RNF170: variants seen among roughly 807,000 people sequenced by gnomAD.
RNF170 encodes the protein E3 ubiquitin-protein ligase RNF170.
Under a neutral mutation model 32.7 loss-of-function variants are expected in RNF170, and 12 were observed. The observed-to-expected ratio is 0.37, with a 90% CI of 0.24 to 0.60. The LOEUF (loss-of-function observed/expected upper bound fraction) is 0.60. RNF170 is among the 20% of genes least tolerant of loss of function. RNF170 has a pLI of 0.72. For synonymous variants in RNF170, 91 were observed against 103.6 expected, an observed-to-expected ratio of 0.88 and a Z score of 0.74; for missense variants, 212 against 311.2, an observed-to-expected ratio of 0.68 and a Z score of 2.40.
chr8:42,890,401 C>T (rs972604370), intron 1 of RNF170, among the ~76,000 whole-genome samples: 29 of 151,800 alleles, frequency 1.9e-4, no homozygotes, highest in Admixed American at 1.1e-3. Context: ...CCTCAGTCTC[C>T]CGAGTAGCTG....
intron 4 of RNF170, among the ~76,000 whole-genome samples, chr8:42,869,649 G>C (rs1181769973): frequency 6.6e-6 from 1 of 152,136 alleles, no homozygotes; most frequent in Non-Finnish European, 1.5e-5. Flanking sequence ...AATAATAAAT[G>C]AAAGTCCCAA....
In RNF170 at chr8:42,863,474, G is replaced by A. The variant is rs192154988; in HGVS notation, c.397-1619C>T. Among the ~76,000 whole-genome samples the A allele has an allele frequency of 3.7e-4, 57 of 152,066 alleles. No individual in the cohort carries two copies. The East Asian group carries it at 9.7e-3, about 26-fold the overall frequency. ...AAAAATTTTTTTTTGAGACAGTCTC[G>A]CTCTGTCTCCAGGCTGGAATGCAGT... On this transcript the variant is annotated intron_variant, in intron 5 of 6. Transcript: ENST00000527424.
chr8:42,894,706 A>G (rs1806611950), intron 1 of RNF170, among the ~76,000 whole-genome samples: 1 of 152,146 alleles, frequency 6.6e-6, no homozygotes, highest in Non-Finnish European at 1.5e-5. Flanking sequence ...CTGGGACTAC[A>G]GGAGCCCGCC....
Position 42,855,848 on chromosome 8 carries a change from T to G in RNF170, c.*311A>C, listed in dbSNP as rs961444545. On this transcript the variant is annotated 3_prime_UTR_variant, in exon 7 of 7. Coordinates refer to ENST00000527424, the MANE Select transcript of RNF170 (RefSeq NM_030954.4). ...TTACTATACATCTAATTAATCTAAG[T>G]AATTCTGGGGAAAAGAAAAATATAT... 8.3e-7 allele frequency: 1 copy of G among 1,205,182 alleles called. No individual in the cohort carries two copies. Among genetic ancestry groups the G allele is most frequent in the Non-Finnish European group, 1.1e-6 (1 of 929,292 alleles). 74.7% of individuals were successfully genotyped at this position (1,205,182 alleles called of 1,614,324 possible). A position where few individuals can be genotyped will look rare whatever the true frequency, so the allele number is the denominator to read the frequency against.
chr8:42,896,426 C>G (rs1212812269), intron 1 of RNF170, 58 bp downstream of exon 1: 2 of 451,958 alleles, frequency 4.4e-6, no homozygotes, highest in Non-Finnish European at 8.9e-6. Flanking sequence ...CAGACCCCGC[C>G]GTCCGCGGCT....
At chr8:42,876,656 G>GT (rs1804957135) in intron 2 of RNF170, among the ~76,000 whole-genome samples, 3 of 143,830 alleles carry the variant, frequency 2.1e-5, no homozygotes, top group East Asian at 2.0e-4. Context: ...TTTTTTTGTG[G>GT]GTTTTTTTTT....
chr8:42,849,872 T>C (rs1288213814), downstream of RNF170: 1 of 152,220 alleles, frequency 6.6e-6, no homozygotes, highest in Non-Finnish European at 1.5e-5. Flanking sequence ...GTGAAGGAGA[T>C]TTCTGCCCTC....
intron 6 of RNF170, among the ~76,000 whole-genome samples, chr8:42,857,370 A>G (rs1229926556): frequency 6.6e-6 from 1 of 152,246 alleles, no homozygotes; most frequent in African/African-American, 2.4e-5. Context: ...AAGAACTAAT[A>G]TCTAAAGCAA....
intron 1 of RNF170, among the ~76,000 whole-genome samples, chr8:42,891,265 T>C (rs901271406): frequency 6.6e-6 from 1 of 152,210 alleles, no homozygotes; most frequent in Non-Finnish European, 1.5e-5. Flanking sequence ...GATATGACTA[T>C]GATCTGGGTC....
At chr8:42,876,540 C>T (rs1001488443) in intron 2 of RNF170, among the ~76,000 whole-genome samples, 2 of 152,206 alleles carry the variant, frequency 1.3e-5, no homozygotes, top group South Asian at 4.1e-4. Flanking sequence ...AGCCAATTCT[C>T]GCTAGACACC....
intron 2 of RNF170, among the ~76,000 whole-genome samples, chr8:42,878,242 C>T (rs1303174751): frequency 6.6e-6 from 1 of 152,160 alleles, no homozygotes; most frequent in Non-Finnish European, 1.5e-5. Flanking sequence ...ACTTGCATGT[C>T]TCTCACTTCA....
chr8:42,876,761 G>C (rs1804970067), intron 2 of RNF170, among the ~76,000 whole-genome samples: 1 of 148,398 alleles, frequency 6.7e-6, no homozygotes, highest in African/African-American at 2.5e-5. Flanking sequence ...CTGGGTTCTA[G>C]TGATTCTCCT....
intron 4 of RNF170, among the ~76,000 whole-genome samples, chr8:42,866,038 A>G (rs1280109422): frequency 2.6e-5 from 4 of 152,200 alleles, no homozygotes; most frequent in African/African-American, 7.2e-5. Flanking sequence ...GCAAGTATAT[A>G]TTAACTGCCT....
intron 1 of RNF170, among the ~76,000 whole-genome samples, chr8:42,890,004 A>C (rs1245877055): frequency 6.6e-6 from 1 of 152,180 alleles, no homozygotes; most frequent in Non-Finnish European, 1.5e-5. Context: ...AGAGCTGTGA[A>C]GGTTAAAACA....
intron 2 of RNF170, 137 bp from the exon 3 acceptor site, chr8:42,874,143 C>A: frequency 1.5e-6 from 1 of 663,106 alleles, no homozygotes. Flanking sequence ...ACTTCCAGGA[C>A]TGTACGTTTC....
chr8:42,876,957 T>C lies in RNF170; in HGVS notation c.138-2951A>G, dbSNP rs1182684110. Among the ~76,000 whole-genome samples the C allele has an allele frequency of 3.5e-5, 5 of 144,708 alleles. No homozygotes were observed. In the South Asian group the frequency reaches 8.5e-4, roughly 25 times the overall value. 94.9% of individuals were successfully genotyped at this position (144,708 alleles called of 152,430 possible). On this transcript the variant is annotated intron_variant, in intron 2 of 6. Coordinates refer to ENST00000527424, the MANE Select transcript of RNF170 (RefSeq NM_030954.4). ...GGCGTGAGCCACTGTGCCCGGACTT[T>C]TTTTTTTTTTTTTTGAGACAGAGTC...
At chr8:42,874,220 A>T (rs1313877852) in intron 2 of RNF170, among the ~76,000 whole-genome samples, 1 of 152,168 alleles carries the variant, frequency 6.6e-6, no homozygotes, top group Non-Finnish European at 1.5e-5. Flanking sequence ...CAAGCGGCAA[A>T]TGGTAAAATC....
Position 42,854,495 on chromosome 8 carries a change from G to A in RNF170, c.*1664C>T. Reference sequence around the variant, plus strand: ...AAAATGAAAAGTATGTGAGAAACCTGCTTTAATTATAATGTGCTATGTTTA... The same window carrying A: ...AAAATGAAAAGTATGTGAGAAACCTACTTTAATTATAATGTGCTATGTTTA... On this transcript the variant is annotated 3_prime_UTR_variant, in exon 7 of 7. Coordinates refer to ENST00000527424, the MANE Select transcript of RNF170 (RefSeq NM_030954.4). 1 of 1,286,092 alleles carries A rather than the reference G, an allele frequency of 7.8e-7. No individual in the cohort carries two copies. Among genetic ancestry groups the A allele is most frequent in the Non-Finnish European group, 1.0e-6 (1 of 987,678 alleles). The allele number at this position is 1,286,092 out of a possible 1,614,324, so 79.7% of individuals were successfully genotyped here.
At chr8:42,850,885 T>C (rs1355473515), downstream of RNF170, 6 of 1,551,574 alleles carry the variant, frequency 3.9e-6, no homozygotes, top group Non-Finnish European at 5.2e-6. Flanking sequence ...GGGTATATGC[T>C]GAGGCCCTGA....
Sources: allele counts gnomAD v4.1 joint callset (sites outside exome capture counted in the v4.1 genomes callset), GRCh38; gene constraint gnomAD v4.1.1; transcripts MANE v1.5; gene names NCBI Gene and HGNC (gene_info 2026-07-23, HGNC 2026-07-21).